Variants in KPTN observed in about 807,000 individuals in gnomAD.
KPTN encodes kaptin, actin binding protein.
KPTN carries 36 observed loss-of-function variants against 52.6 expected under a neutral mutation model. The observed-to-expected ratio is 0.68, with a 90% CI of 0.52 to 0.90. The LOEUF (loss-of-function observed/expected upper bound fraction) is 0.90, where lower values mean the gene tolerates loss of function less well. Ranked by LOEUF, KPTN falls within the 40% of genes least tolerant of loss-of-function variation. The pLI, the probability that KPTN is intolerant of heterozygous loss-of-function variation, is 0.00. For synonymous variants in KPTN, 271 were observed against 248.4 expected (o/e 1.09, Z -0.85); for missense variants, 529 against 576.2 (o/e 0.92, Z 0.84).
Position 47,484,146 on chromosome 19 carries a change from C to T in KPTN, c.15G>A (p.Ala5=), listed in dbSNP as rs767640554. ...ACGGACAAGGCCCCGCGGCCACGGC[C>T]GCCTCCCCCATCATGCCCCTCAGTT... MMGE[A]AVAAGPCPLR... is the part of the protein sequence containing the mutation. Residue 5 remains alanine, a synonymous_variant, in exon 1 of 12, where the codon GCG becomes GCA. Transcript: ENST00000338134. 1 of 1,597,882 alleles carries T rather than the reference C, an allele frequency of 6.3e-7. No individual in the cohort carries two copies. The highest frequency in any genetic ancestry group is 1.7e-5 in the Admixed American group (1 of 59,904).
intron 3 of KPTN, 39 bp downstream of exon 3, chr19:47,483,256 T>C (rs761538388): frequency 6.5e-5 from 105 of 1,612,804 alleles, no homozygotes; most frequent in Non-Finnish European, 7.8e-5. Context: ...GGGGACCTGC[T>C]GGGGACTCTC....
rs114559935 is a variant in KPTN at position 47,482,163 on chromosome 19, C to T, written c.449+998G>A. Among the ~76,000 whole-genome samples the T allele has an allele frequency of 3.3e-3, 498 of 152,262 alleles. 3 individuals carry two copies. The highest frequency in any genetic ancestry group is 0.011 in the African/African-American group (471 of 41,524). ...GTTCAGGAATGGCAGTGTGGTGGCC[C>T]CTTGGCCATCCGGTCCATGGCCACC... On this transcript the variant is annotated intron_variant, in intron 4 of 11. Transcript: ENST00000338134.
At chr19:47,476,369 G>A (rs1202106261) in intron 11 of KPTN, among the ~76,000 whole-genome samples, 163 bp downstream of exon 11, 3 of 72,870 alleles carry the variant, frequency 4.1e-5, no homozygotes, top group Non-Finnish European at 8.7e-5. Context: ...CCCCACCCCA[G>A]CTGCTGTGAG....
At chr19:47,484,800 G>C (rs1968022721), upstream of KPTN, among the ~76,000 whole-genome samples, 1 of 151,196 alleles carries the variant, frequency 6.6e-6, no homozygotes, top group African/African-American at 2.4e-5. Flanking sequence ...TGCCTCCTGG[G>C]TTCAAGCGAT....
chr19:47,484,246 G>A, upstream of KPTN: 1 of 1,442,974 alleles, frequency 6.9e-7, no homozygotes, highest in Non-Finnish European at 9.2e-7. Context: ...TGAACCGCCG[G>A]GTGCCCGGCC....
At position 47,484,110 on chromosome 19, in the gene KPTN, G is replaced by A. The variant is rs1967992238; in HGVS notation, c.51C>T (p.Asp17=). 6.2e-7 allele frequency: 1 copy of A among 1,603,806 alleles called. No individual in the cohort carries two copies. The highest frequency in any genetic ancestry group is 2.2e-5 in the East Asian group (1 of 44,866). The change falls in exon 1 of 12, where the codon GAC becomes GAT. Residue 17 remains aspartate, a synonymous_variant. Transcript: ENST00000338134. ...VAAGPCPLRE[D]SFTRFSSQSN... is the part of the protein sequence containing the mutation. ...TCTGCGACGAGAAGCGCGTGAAGCT[G>A]TCCTCGCGCAACGGACAAGGCCCCG...
At position 47,484,090 on chromosome 19, in the gene KPTN, G is replaced by A; in HGVS notation, c.71C>T (p.Ser24Leu). The A allele has an allele frequency of 1.2e-6, 2 of 1,607,474 alleles. No homozygotes were observed. Among genetic ancestry groups the A allele is most frequent in the Non-Finnish European group, 1.7e-6 (2 of 1,179,758 alleles). ...TGCCAGCCCGTACACATTGCTCTGC[G>A]ACGAGAAGCGCGTGAAGCTGTCCTC... ...LREDSFTRFS[S>L]QSNVYGLAGG... The change falls in exon 1 of 12, where the codon TCG becomes TTG. Residue 24 changes from serine to leucine, a missense_variant. Ser to Leu is a moderately radical substitution (Grantham distance 145). Coordinates refer to ENST00000338134, the MANE Select transcript of KPTN (RefSeq NM_007059.4).
intron 8 of KPTN, among the ~76,000 whole-genome samples, chr19:47,478,484 A>T (rs1236277151): frequency 7.1e-6 from 1 of 141,420 alleles, no homozygotes; most frequent in East Asian, 2.3e-4. Flanking sequence ...AGGCTGAGGC[A>T]GGAGAATTGC....
rs963862615 is a variant in KPTN, at chr19:47,483,483, T to C, written c.309+19A>G. 1 of 1,599,740 alleles carries C rather than the reference T, an allele frequency of 6.3e-7. No homozygotes were observed. The highest frequency in any genetic ancestry group is 1.7e-5 in the Admixed American group (1 of 57,684). On this transcript the variant is annotated intron_variant, in intron 2 of 11. Coordinates refer to ENST00000338134, the MANE Select transcript of KPTN (RefSeq NM_007059.4). ...GTGTAAGGAGGAGGGCGAAGGGAGGTGGAGGGGGCTCTAGGTACCTTGATG... is the reference window on the plus strand; with the variant it reads ...GTGTAAGGAGGAGGGCGAAGGGAGGCGGAGGGGGCTCTAGGTACCTTGATG...
chr19:47,479,799 G>C, intron 8 of KPTN, 64 bp downstream of exon 8: 3 of 1,369,904 alleles, frequency 2.2e-6, no homozygotes, highest in East Asian at 4.8e-5. Flanking sequence ...AAGGACCCAA[G>C]AATGCAGAGT....
intron 4 of KPTN, among the ~76,000 whole-genome samples, chr19:47,481,908 C>A (rs1438742622): frequency 6.6e-6 from 1 of 152,206 alleles, no homozygotes; most frequent in Non-Finnish European, 1.5e-5. Context: ...TGTTCTATCT[C>A]CTCGAAAGAT....
At chr19:47,482,005 A>C (rs1171497011) in intron 4 of KPTN, among the ~76,000 whole-genome samples, 1 of 152,238 alleles carries the variant, frequency 6.6e-6, no homozygotes, top group African/African-American at 2.4e-5. Flanking sequence ...GGAATCTTAG[A>C]GCCTACGACT....
Position 47,484,011 on chromosome 19 carries a change from C to T in KPTN, c.150G>A (p.Val50=). 6.2e-7 allele frequency: 1 copy of T among 1,613,300 alleles called. No individual in the cohort carries two copies. Among genetic ancestry groups the T allele is most frequent in the African/African-American group, 1.3e-5 (1 of 75,064 alleles). The stretch of plus-strand genomic sequence containing the variant: ...GGAGGTCTTGGTAGCGGAAGCCGAG[C>T]ACCTTGCCTTTAAGGGTGGCGGCCA... ...ELLAATLKGK[V]LGFRYQDLRQ... is the part of the protein sequence containing the mutation. The change falls in exon 1 of 12, where the codon GTG becomes GTA. Residue 50 remains valine (V), a synonymous_variant. Transcript: ENST00000338134.
rs1055823244 is a variant in KPTN at position 47,481,036 on chromosome 19, G to T, written c.450-3C>A. The T allele has an allele frequency of 6.4e-7, 1 of 1,573,424 alleles. No homozygotes were observed. Among genetic ancestry groups the T allele is most frequent in the Non-Finnish European group, 8.6e-7 (1 of 1,157,732 alleles). On this transcript the variant is annotated splice_region_variant and splice_polypyrimidine_tract_variant and intron_variant, in intron 4 of 11. Transcript: ENST00000338134. The stretch of plus-strand genomic sequence containing the variant: ...CAAGTTGATCCCCGACCTGGACCCT[G>T]AAAGCAGAGAAATCTAGAACCCAAG...
At chr19:47,483,037 A>G in intron 4 of KPTN, 124 bp downstream of exon 4, 2 of 1,048,168 alleles carry the variant, frequency 1.9e-6, no homozygotes, top group South Asian at 2.6e-5. Flanking sequence ...CTAATCTAGT[A>G]CAACCTCTTT....
Position 47,480,412 on chromosome 19 carries a change from C to A in KPTN, c.600-5G>T, listed in dbSNP as rs372311348. The A allele has an allele frequency of 1.9e-6, 3 of 1,540,922 alleles. No homozygotes were observed. Among genetic ancestry groups the A allele is most frequent in the Non-Finnish European group, 2.6e-6 (3 of 1,141,364 alleles). ...TGGACGTCCAGCCAGAGGACGCTGGCGGGCGGGTGGATGGACAGGACGGAC... is the reference window on the plus strand; with the variant it reads ...TGGACGTCCAGCCAGAGGACGCTGGAGGGCGGGTGGATGGACAGGACGGAC... On this transcript the variant is annotated splice_region_variant and splice_polypyrimidine_tract_variant and intron_variant, in intron 6 of 11. Transcript: ENST00000338134.
chr19:47,479,499 A>G (rs897383052), intron 8 of KPTN, among the ~76,000 whole-genome samples: 22 of 152,174 alleles, frequency 1.4e-4, no homozygotes, highest in Non-Finnish European at 1.5e-5. Context: ...AAGGGGCCAC[A>G]GAGCGGGGTG....
intron 4 of KPTN, among the ~76,000 whole-genome samples, chr19:47,481,371 T>C: frequency 6.6e-6 from 1 of 152,204 alleles, no homozygotes; most frequent in Non-Finnish European, 1.5e-5. Context: ...TGTGGAACTC[T>C]AGAATGAACT....
chr19:47,483,609 A>G, intron 1 of KPTN, 25 bp from the exon 2 acceptor site: 3 of 1,483,356 alleles, frequency 2.0e-6, no homozygotes, highest in Non-Finnish European at 9.2e-7. Context: ...TTCTAAGTTC[A>G]GTGTCAGGCA....
Sources: gnomAD v4.1 joint callset for allele counts (sites outside exome capture counted in the v4.1 genomes callset) on GRCh38, gnomAD v4.1.1 for gene constraint, MANE v1.5 for transcripts, NCBI Gene and HGNC (gene_info 2026-07-23, HGNC 2026-07-21) for gene names.